Variants in RIMS3 observed in about 807,000 individuals in gnomAD.
The protein encoded by RIMS3 is regulating synaptic membrane exocytosis protein 3.
In RIMS3, 15 loss-of-function variants were observed where a neutral mutation model predicts 29.2. The observed-to-expected ratio is 0.51, with a 90% confidence interval of 0.34 to 0.79. The LOEUF (loss-of-function observed/expected upper bound fraction) is 0.79, where lower values mean the gene tolerates loss of function less well. RIMS3 is among the 30% of genes least tolerant of loss of function. The pLI is 0.01. For synonymous variants in RIMS3, 161 were observed against 170.1 expected (o/e 0.95, Z 0.41); for missense variants, 342 against 421.4 (o/e 0.81, Z 1.65).
At chr1:40,691,988 G>A in the RIMS3 span, 1 of 297,134 alleles carries the variant, frequency 3.4e-6, no homozygotes, top group South Asian at 2.4e-5. Flanking sequence ...GCTGTAGCTC[G>A]GTCCGTCCTG....
At chr1:40,676,593 C>A in the RIMS3 span, among the ~76,000 whole-genome samples, 3 of 152,062 alleles carry the variant, frequency 2.0e-5, no homozygotes, top group African/African-American at 4.8e-5. Context: ...CTTTTCTGGA[C>A]CCACTTCAGC....
chr1:40,636,454 ATCT>A lies in RIMS3; in HGVS notation c.218-400_218-398del, dbSNP rs1646520853. ...CTTCCCACTCTCTTCTGGAAAGTTCATCTTCTCTGGGATTCTCAGACTGACTTT... is the reference window on the plus strand; with the variant it reads ...CTTCCCACTCTCTTCTGGAAAGTTCATCTCTGGGATTCTCAGACTGACTTT... On this transcript the variant is annotated intron_variant, in intron 3 of 7. Transcript: ENST00000372684. The surrounding 1 kb of genome is among the most constrained non-coding windows in gnomAD (Gnocchi z 4.2). 6.6e-6 allele frequency among the ~76,000 whole-genome samples: 1 copy of A among 152,068 alleles called. No individual in the cohort carries two copies. The highest frequency in any genetic ancestry group is 2.4e-5 in the African/African-American group (1 of 41,400).
At chr1:40,627,570 C>T (rs1646463047) in intron 7 of RIMS3, among the ~76,000 whole-genome samples, 2 of 152,120 alleles carry the variant, frequency 1.3e-5, no homozygotes, top group Non-Finnish European at 2.9e-5. Context: ...ATTCTTCCCA[C>T]TCCCCAAAGC....
chr1:40,656,174 A>C (rs917287895), intron 1 of RIMS3, among the ~76,000 whole-genome samples: 1 of 152,038 alleles, frequency 6.6e-6, no homozygotes, highest in Admixed American at 6.5e-5. Flanking sequence ...GTCAAGGCTG[A>C]GGTGAGCCAA....
At chr1:40,630,080 AAAAAAAAAGAAAGAAAG>A (rs1407838837) in intron 5 of RIMS3, among the ~76,000 whole-genome samples, 1 of 151,820 alleles carries the variant, frequency 6.6e-6, no homozygotes, top group Non-Finnish European at 1.5e-5. Context: ...CAAAAAAAAA[AAAAAAAAAGAAAGAAAG>A]AAGAAAAGAA....
At chr1:40,691,644 C>A in the RIMS3 span, 23 of 431,602 alleles carry the variant, frequency 5.3e-5, no homozygotes, top group East Asian at 8.9e-5. Flanking sequence ...AGCTTCTGCG[C>A]ACCGCACGAT....
At chr1:40,633,267 C>G (rs1440544501) in intron 4 of RIMS3, 86 bp from the exon 5 acceptor site, 25 of 1,004,482 alleles carry the variant, frequency 2.5e-5, no homozygotes, top group Non-Finnish European at 3.6e-5. Context: ...TGCTCTGGCC[C>G]TGGGGCCCTG....
chr1:40,674,190 T>C, the RIMS3 span, among the ~76,000 whole-genome samples: 2 of 152,200 alleles, frequency 1.3e-5, no homozygotes, highest in East Asian at 3.8e-4. Context: ...GAAGAAGATA[T>C]TCATAATTGA....
intron 1 of RIMS3, among the ~76,000 whole-genome samples, chr1:40,652,687 A>G (rs1642199127): frequency 6.6e-6 from 1 of 152,254 alleles, no homozygotes; most frequent in African/African-American, 2.4e-5. Context: ...GGCTGGGAGC[A>G]GCCAGTGCAG....
chr1:40,687,202 G>GT, the RIMS3 span, among the ~76,000 whole-genome samples: 8 of 152,186 alleles, frequency 5.3e-5, no homozygotes, highest in Non-Finnish European at 7.3e-5. Context: ...AGAATAGGGC[G>GT]TAAGCGTTTA....
chr1:40,654,766 A>C lies in RIMS3; in HGVS notation c.-206-6924T>G, dbSNP rs1642249435. On this transcript the variant is annotated intron_variant, in intron 1 of 7. Coordinates refer to ENST00000372684, the MANE Select transcript of RIMS3 (RefSeq NM_014747.3). The surrounding 1 kb of genome is among the most constrained non-coding windows in gnomAD (Gnocchi z 5.3). ...CACACACACACACAGTGCACACACA[A>C]TATGCCCTCAGAGACCCTCAGACAT... Among the ~76,000 whole-genome samples the C allele has an allele frequency of 6.6e-6, 1 of 152,132 alleles. No individual in the cohort carries two copies. The highest frequency in any genetic ancestry group is 2.4e-5 in the African/African-American group (1 of 41,402).
upstream of RIMS3, among the ~76,000 whole-genome samples, chr1:40,668,043 G>C (rs2148367709): frequency 6.6e-6 from 1 of 152,244 alleles, no homozygotes; most frequent in East Asian, 1.9e-4. Context: ...ACAAGATCAA[G>C]AGATTGAGAC....
chr1:40,662,824 C>T (rs1642371385), intron 1 of RIMS3, among the ~76,000 whole-genome samples: 1 of 152,192 alleles, frequency 6.6e-6, no homozygotes, highest in East Asian at 1.9e-4. Context: ...TCCTATTTTC[C>T]AGAGGAGACT....
intron 1 of RIMS3, among the ~76,000 whole-genome samples, chr1:40,652,129 T>C (rs192709606): frequency 2.1e-3 from 317 of 152,282 alleles, no homozygotes; most frequent in East Asian, 8.3e-3. Context: ...CCTTGGCTTG[T>C]AGGATGTGGC....
At chr1:40,631,416 T>C (rs1646488480) in intron 5 of RIMS3, among the ~76,000 whole-genome samples, 1 of 152,170 alleles carries the variant, frequency 6.6e-6, no homozygotes, top group African/African-American at 2.4e-5. Context: ...CAGTCTCTAA[T>C]ATAAAATGGC....
At chr1:40,678,192 G>C in the RIMS3 span, among the ~76,000 whole-genome samples, 3 of 152,194 alleles carry the variant, frequency 2.0e-5, no homozygotes, top group Non-Finnish European at 4.4e-5. Flanking sequence ...TGGATCACTT[G>C]AGGTCAGGAG....
Position 40,635,927 on chromosome 1 carries a change from G to A in RIMS3, c.348C>T (p.Ser116=). ...ESTDGSTNSN[S]SDGTFIFPTT... is the part of the protein sequence containing the mutation. ...GGGGCTGCACGCACGTGCCGTCGGA[G>A]CTGTTGCTGTTGGTGCTCCCATCGG... The change falls in exon 4 of 8, where the codon AGC becomes AGT. Residue 116 remains serine, a synonymous_variant. Transcript: ENST00000372684. This position sits in a 1 kb window ranked among gnomAD's most constrained non-coding sequence, Gnocchi z 4.1. 1 of 1,612,930 alleles carries A rather than the reference G, an allele frequency of 6.2e-7. No homozygotes were observed. The highest frequency in any genetic ancestry group is 8.5e-7 in the Non-Finnish European group (1 of 1,179,910).
At chr1:40,690,043 AG>A in the RIMS3 span, among the ~76,000 whole-genome samples, 2 of 152,198 alleles carry the variant, frequency 1.3e-5, no homozygotes, top group African/African-American at 4.8e-5. Flanking sequence ...TCCTCTATGT[AG>A]ATTTTTATTT....
chr1:40,653,179 G>A (rs1466558325), intron 1 of RIMS3, among the ~76,000 whole-genome samples: 2 of 152,302 alleles, frequency 1.3e-5, no homozygotes, highest in African/African-American at 2.4e-5. Context: ...AGGAGAGCAA[G>A]GTGAGTAGGC....
Sources: allele counts gnomAD v4.1 joint callset (sites outside exome capture counted in the v4.1 genomes callset), GRCh38; gene constraint gnomAD v4.1.1; non-coding constraint Gnocchi (gnomAD v3.1); transcripts MANE v1.5; gene names NCBI Gene and HGNC (gene_info 2026-07-23, HGNC 2026-07-21).